Variants in EPOR observed in about 807,000 individuals in gnomAD.
The protein encoded by EPOR is erythropoietin receptor.
Under a neutral mutation model 34.3 loss-of-function variants are expected in EPOR, and 20 were observed. That is an observed-to-expected ratio of 0.58 (90% CI 0.41 to 0.85). The LOEUF (loss-of-function observed/expected upper bound fraction) is 0.85, where lower values mean the gene tolerates loss of function less well. Ranked by LOEUF, EPOR falls within the 40% of genes least tolerant of loss-of-function variation. EPOR has a pLI of 0.00. For missense variants in EPOR, 601 were observed against 672.7 expected (o/e 0.89, Z 1.18); for synonymous variants, 312 against 299.0 (o/e 1.04, Z -0.45).
chr19:11,381,312 C>T lies in EPOR; in HGVS notation c.586-103G>A, dbSNP rs1160558122. 1 of 1,325,206 alleles carries T rather than the reference C, an allele frequency of 7.5e-7. No homozygotes were observed. Among genetic ancestry groups the T allele is most frequent in the African/African-American group, 1.4e-5 (1 of 69,004 alleles). 82.1% of individuals were successfully genotyped at this position (1,325,206 alleles called of 1,614,324 possible). A position where few individuals can be genotyped will look rare whatever the true frequency, so the allele number is the denominator to read the frequency against. On this transcript the variant is annotated intron_variant, in intron 4 of 7. Coordinates refer to ENST00000222139, the MANE Select transcript of EPOR (RefSeq NM_000121.4). This position sits in a 1 kb window ranked among gnomAD's most constrained non-coding sequence, Gnocchi z 5.3. ...CCAATCAGGGGAAAGGAAAACGGTGCCCTAGAATTGCAATGGGACCAATAA... is the reference window on the plus strand; with the variant it reads ...CCAATCAGGGGAAAGGAAAACGGTGTCCTAGAATTGCAATGGGACCAATAA...
rs1568330247 is a variant in EPOR, at chr19:11,383,136, C to G, written c.212G>C (p.Gly71Ala). 1 of 1,613,676 alleles carries G rather than the reference C, an allele frequency of 6.2e-7. No homozygotes were observed. Among genetic ancestry groups the G allele is most frequent in the Middle Eastern group, 1.6e-4 (1 of 6,062 alleles). ...VCFWEEAASA[G>A]VGPGNYSFSY... Reference sequence around the variant, plus strand: ...GAAGCTGTAGTTGCCCGGGCCCACCCCAGCGCTCGCCGCTTCCTCCCAGAA... The same window carrying G: ...GAAGCTGTAGTTGCCCGGGCCCACCGCAGCGCTCGCCGCTTCCTCCCAGAA... The change falls in exon 2 of 8, where the codon GGG (glycine) becomes GCG (alanine). Residue 71 changes from glycine to alanine, a missense_variant. By Grantham distance (60) the Gly-to-Ala change is moderately conservative. Transcript: ENST00000222139. This position sits in a 1 kb window ranked among gnomAD's most constrained non-coding sequence, Gnocchi z 4.9.
Position 11,382,004 on chromosome 19 carries a change from A to G in EPOR, c.353T>C (p.Val118Ala). ...TGCTGTGACGCGCAACTCTAGGGGC[A>G]CGAAGCTCGACGTGTCGGCTGTAGG... ...SLPTADTSSF[V>A]PLELRVTAAS... The change falls in exon 3 of 8, where the codon GTG becomes GCG. Residue 118 changes from valine (V) to alanine (A), a missense_variant. Coordinates refer to ENST00000222139, the MANE Select transcript of EPOR (RefSeq NM_000121.4). 6.2e-7 allele frequency: 1 copy of G among 1,614,238 alleles called. No individual in the cohort carries two copies. The highest frequency in any genetic ancestry group is 8.5e-7 in the Non-Finnish European group (1 of 1,180,036).
In EPOR at chr19:11,380,186, CTGTT is replaced by C. The variant is rs560262920; in HGVS notation, c.827+694_827+697del. On this transcript the variant is annotated intron_variant, in intron 6 of 7. Transcript: ENST00000222139. ...GACCATCCTGTCATGTCACCACATT[CTGTT>C]TGTTTCTGTGATATCACTCATTACA... 8.5e-5 allele frequency among the ~76,000 whole-genome samples: 13 copies of C among 152,328 alleles called. No homozygotes were observed. In the South Asian group the frequency reaches 2.5e-3, roughly 29 times the overall value.
At position 11,377,838 on chromosome 19, in the gene EPOR, G is replaced by T. The variant is rs530996065; in HGVS notation, c.*146C>A. 1.1e-6 allele frequency: 1 copy of T among 932,028 alleles called. No individual in the cohort carries two copies. The highest frequency in any genetic ancestry group is 1.6e-5 in the African/African-American group (1 of 62,122). 57.7% of individuals were successfully genotyped at this position (932,028 alleles called of 1,614,324 possible). ...TATTTAAAAATACTGCAAGGTTGTG[G>T]TTTCCTGAGCAGGATGGATTGGGCA... On this transcript the variant is annotated 3_prime_UTR_variant, in exon 8 of 8. Coordinates refer to ENST00000222139, the MANE Select transcript of EPOR (RefSeq NM_000121.4).
Position 11,378,562 on chromosome 19 carries a change from A to C in EPOR, c.949T>G (p.Trp317Gly), listed in dbSNP as rs1250455681. ...TCCGTGAAGGGGGTGCAGGGGCTCC[A>C]CCACAGGCAGCCATCATTCTGGTAC... ...WLYQNDGCLW[W>G]SPCTPFTEDP... The change falls in exon 8 of 8, where the codon TGG (tryptophan) becomes GGG (glycine). Residue 317 changes from tryptophan (W) to glycine (G), a missense_variant. Trp to Gly is a radical substitution (Grantham distance 184). Coordinates refer to ENST00000222139, the MANE Select transcript of EPOR (RefSeq NM_000121.4). The surrounding 1 kb of genome is among the most constrained non-coding windows in gnomAD (Gnocchi z 5.3). 6.2e-7 allele frequency: 1 copy of C among 1,614,140 alleles called. No individual in the cohort carries two copies. The highest frequency in any genetic ancestry group is 8.5e-7 in the Non-Finnish European group (1 of 1,180,006).
At position 11,377,808 on chromosome 19, in the gene EPOR, A is replaced by G. The variant is rs1568327856; in HGVS notation, c.*176T>C. Reference sequence around the variant, plus strand: ...ATATATATAGATACAAAAAAAAACTATACATATTTAAAAATACTGCAAGGT... The same window carrying G: ...ATATATATAGATACAAAAAAAAACTGTACATATTTAAAAATACTGCAAGGT... On this transcript the variant is annotated 3_prime_UTR_variant, in exon 8 of 8. Coordinates refer to ENST00000222139, the MANE Select transcript of EPOR (RefSeq NM_000121.4). 5 of 787,032 alleles carry G rather than the reference A, an allele frequency of 6.4e-6. No homozygotes were observed. The highest frequency in any genetic ancestry group is 3.4e-5 in the African/African-American group (2 of 59,368). The allele number at this position is 787,032 out of a possible 1,614,324, so 48.8% of individuals were successfully genotyped here. A position where few individuals can be genotyped will look rare whatever the true frequency, so the allele number is the denominator to read the frequency against.
Position 11,384,227 on chromosome 19 carries a change from G to A in EPOR, c.-20C>T. 1.4e-6 allele frequency: 2 copies of A among 1,479,320 alleles called. No homozygotes were observed. The highest frequency in any genetic ancestry group is 1.8e-6 in the Non-Finnish European group (2 of 1,089,574). The allele number at this position is 1,479,320 out of a possible 1,614,324, so 91.6% of individuals were successfully genotyped here. A position where few individuals can be genotyped will look rare whatever the true frequency, so the allele number is the denominator to read the frequency against. The stretch of plus-strand genomic sequence containing the variant: ...GTCCATGATACAGCCCCCGCCACGG[G>A]GAGCCCAGGGCTCCTGCCCCTCCGT... On this transcript the variant is annotated 5_prime_UTR_variant, in exon 1 of 8. Transcript: ENST00000222139.
Position 11,377,855 on chromosome 19 carries a change from G to T in EPOR, c.*129C>A, listed in dbSNP as rs1031687698. On this transcript the variant is annotated 3_prime_UTR_variant, in exon 8 of 8. Coordinates refer to ENST00000222139, the MANE Select transcript of EPOR (RefSeq NM_000121.4). ...AGGTTGTGGTTTCCTGAGCAGGATG[G>T]ATTGGGCAGACAAAATCAGCAATGC... 8.9e-7 allele frequency: 1 copy of T among 1,128,796 alleles called. No homozygotes were observed. Among genetic ancestry groups the T allele is most frequent in the Non-Finnish European group, 1.3e-6 (1 of 746,706 alleles). The allele number at this position is 1,128,796 out of a possible 1,614,324, so 69.9% of individuals were successfully genotyped here. A position where few individuals can be genotyped will look rare whatever the true frequency, so the allele number is the denominator to read the frequency against.
chr19:11,383,406 C>A lies in EPOR; in HGVS notation c.116-174G>T, dbSNP rs908280087. ...CCGCAGAGGTGGTGCCCCCCTAATT[C>A]CCAGGGGCAAGTTTCTCGCCTTACT... is the stretch of plus-strand genomic sequence containing the variant. On this transcript the variant is annotated intron_variant, in intron 1 of 7. Transcript: ENST00000222139. The surrounding 1 kb of genome is among the most constrained non-coding windows in gnomAD (Gnocchi z 4.9). The A allele has an allele frequency of 6.5e-6, 4 of 619,892 alleles. No individual in the cohort carries two copies. The highest frequency in any genetic ancestry group is 5.5e-5 in the African/African-American group (3 of 54,308). The allele number at this position is 619,892 out of a possible 1,614,324, so 38.4% of individuals were successfully genotyped here.
At chr19:11,382,883 T>C (rs1436306352) in intron 2 of EPOR, 3 of 1,523,816 alleles carry the variant, frequency 2.0e-6, no homozygotes, top group South Asian at 1.2e-5. Context: ...AGCCTGATGT[T>C]TGGGGTCGCG....
In EPOR at chr19:11,378,551, G is replaced by A. The variant is rs2144694720; in HGVS notation, c.960C>T (p.Cys320=). 2 of 1,614,198 alleles carry A rather than the reference G, an allele frequency of 1.2e-6. No individual in the cohort carries two copies. The highest frequency in any genetic ancestry group is 8.5e-7 in the Non-Finnish European group (1 of 1,180,034). The change falls in exon 8 of 8, where the codon TGC becomes TGT. Residue 320 remains cysteine, a synonymous_variant. Coordinates refer to ENST00000222139, the MANE Select transcript of EPOR (RefSeq NM_000121.4). The surrounding 1 kb of genome is among the most constrained non-coding windows in gnomAD (Gnocchi z 5.3). ...CAGGTGGGTCCTCCGTGAAGGGGGT[G>A]CAGGGGCTCCACCACAGGCAGCCAT... The part of the protein sequence containing the change: ...QNDGCLWWSP[C]TPFTEDPPAS...
rs191396908 is a variant in EPOR at position 11,380,806 on chromosome 19, C to A, written c.827+78G>T. On this transcript the variant is annotated intron_variant, in intron 6 of 7. Coordinates refer to ENST00000222139, the MANE Select transcript of EPOR (RefSeq NM_000121.4). ...ACCTTGGGCAAGTGCGTGTCTCTCT[C>A]TGAGCCTAGGTTTCCATAGTGAAAG... The A allele has an allele frequency of 9.0e-6, 11 of 1,224,400 alleles. No homozygotes were observed. In the African/African-American group the frequency reaches 1.5e-4, roughly 17 times the overall value. 75.8% of individuals were successfully genotyped at this position (1,224,400 alleles called of 1,614,324 possible).
At chr19:11,380,847 G>C (rs1194643322) in intron 6 of EPOR, 37 bp downstream of exon 6, 1 of 1,485,908 alleles carries the variant, frequency 6.7e-7, no homozygotes, top group Non-Finnish European at 9.2e-7. Flanking sequence ...CGTTGGCGGG[G>C]AGGAGTCTGG....
chr19:11,384,250 C>A lies in EPOR; in HGVS notation c.-43G>T. ...GGGGAGCCCAGGGCTCCTGCCCCTC[C>A]GTCCCCCGCCCCCGGCACAGTCCAC... On this transcript the variant is annotated 5_prime_UTR_variant, in exon 1 of 8. Coordinates refer to ENST00000222139, the MANE Select transcript of EPOR (RefSeq NM_000121.4). 7.7e-7 allele frequency: 1 copy of A among 1,304,542 alleles called. No homozygotes were observed. The allele number at this position is 1,304,542 out of a possible 1,614,324, so 80.8% of individuals were successfully genotyped here.
intron 2 of EPOR, among the ~76,000 whole-genome samples, chr19:11,382,432 C>T (rs1416287009): frequency 5.3e-5 from 8 of 150,170 alleles, no homozygotes; most frequent in Admixed American, 3.3e-4. Flanking sequence ...GGCGCTACCT[C>T]GGCTCACCGC....
In EPOR at chr19:11,381,045, T is replaced by C; in HGVS notation, c.739+11A>G. The C allele has an allele frequency of 6.3e-7, 1 of 1,596,148 alleles. No individual in the cohort carries two copies. The highest frequency in any genetic ancestry group is 8.5e-7 in the Non-Finnish European group (1 of 1,171,298). ...CCCTGGCTCCTCCTACACCCCCGCC[T>C]GGGGCCTCACCGCTAGGCGTCAGCA... is the stretch of plus-strand genomic sequence containing the variant. On this transcript the variant is annotated intron_variant, in intron 5 of 7. Transcript: ENST00000222139. The surrounding 1 kb of genome is among the most constrained non-coding windows in gnomAD (Gnocchi z 5.3).
Position 11,377,889 on chromosome 19 carries a change from C to T in EPOR, c.*95G>A, listed in dbSNP as rs1968302143. The T allele has an allele frequency of 1.3e-6, 2 of 1,521,794 alleles. No homozygotes were observed. The highest frequency in any genetic ancestry group is 1.8e-6 in the Non-Finnish European group (2 of 1,101,166). The allele number at this position is 1,521,794 out of a possible 1,614,324, so 94.3% of individuals were successfully genotyped here. Reference sequence around the variant, plus strand: ...GACAAAATCAGCAATGCCCCTGCTCCTGAGAGAGGCCTCGCCATCCCTGTT... The same window carrying T: ...GACAAAATCAGCAATGCCCCTGCTCTTGAGAGAGGCCTCGCCATCCCTGTT... On this transcript the variant is annotated 3_prime_UTR_variant, in exon 8 of 8. Transcript: ENST00000222139.
At position 11,383,323 on chromosome 19, in the gene EPOR, A is replaced by C; in HGVS notation, c.116-91T>G. On this transcript the variant is annotated intron_variant, in intron 1 of 7. Coordinates refer to ENST00000222139, the MANE Select transcript of EPOR (RefSeq NM_000121.4). The surrounding 1 kb of genome is among the most constrained non-coding windows in gnomAD (Gnocchi z 4.9). The stretch of plus-strand genomic sequence containing the variant: ...CTCTTCCCTCCCGCAGCCTGGGCGG[A>C]CCCGATAAGAAAAAAGCCCCGCCCT... 7.5e-7 allele frequency: 1 copy of C among 1,335,944 alleles called. No individual in the cohort carries two copies. The highest frequency in any genetic ancestry group is 1.0e-6 in the Non-Finnish European group (1 of 999,404). 82.8% of individuals were successfully genotyped at this position (1,335,944 alleles called of 1,614,324 possible). A position where few individuals can be genotyped will look rare whatever the true frequency, so the allele number is the denominator to read the frequency against.
chr19:11,382,740 C>T lies in EPOR; in HGVS notation c.251+357G>A, dbSNP rs1235477489. On this transcript the variant is annotated intron_variant, in intron 2 of 7. Transcript: ENST00000222139. ...AACTCCTGGGCTCAAGCGGTTCTTC[C>T]GCCTCGACCTTCCAAAGAGTTGGGA... The T allele has an allele frequency of 3.7e-6, 4 of 1,070,330 alleles. No individual in the cohort carries two copies. In the African/African-American group the frequency reaches 6.6e-5, roughly 18 times the overall value. The allele number at this position is 1,070,330 out of a possible 1,614,324, so 66.3% of individuals were successfully genotyped here.
Sources: allele counts gnomAD v4.1 joint callset (sites outside exome capture counted in the v4.1 genomes callset), GRCh38; gene constraint gnomAD v4.1.1; non-coding constraint Gnocchi (gnomAD v3.1); transcripts MANE v1.5; gene names NCBI Gene and HGNC (gene_info 2026-07-23, HGNC 2026-07-21).